The following SORBS2 variants were observed in gnomAD, a reference collection of about 807,000 sequenced individuals.
SORBS2 encodes sorbin and SH3 domain-containing protein 2.
A neutral mutation model predicts 97.7 loss-of-function variants in SORBS2; 46 were observed. That is an observed-to-expected ratio of 0.47 (90% confidence interval 0.37 to 0.60). The LOEUF is 0.60. Ranked by LOEUF, SORBS2 falls within the 20% of genes least tolerant of loss-of-function variation. The pLI is 0.00. For missense variants in SORBS2, 1,316 were observed against 1,282.3 expected (o/e 1.03, Z -0.40); for synonymous variants, 476 against 473.4 (o/e 1.01, Z -0.07).
At chr4:185,894,502 T>G (rs187358169) in intron 1 of SORBS2, 1 of 152,312 alleles carries the variant, frequency 6.6e-6, no homozygotes, top group African/African-American at 2.4e-5. Flanking sequence ...CAGTTCCTTT[T>G]AAGAATGGTC....
At chr4:185,833,201 C>T (rs2099206081) in intron 1 of SORBS2, among the ~76,000 whole-genome samples, 1 of 152,214 alleles carries the variant, frequency 6.6e-6, no homozygotes, top group Admixed American at 6.5e-5. Context: ...CTACCATGCA[C>T]ATTGTGTCCA....
intron 2 of SORBS2, among the ~76,000 whole-genome samples, chr4:185,746,570 G>C (rs1246213080): frequency 6.6e-6 from 1 of 152,134 alleles, no homozygotes; most frequent in African/African-American, 2.4e-5. Context: ...CTCCTGCCTC[G>C]GCTTCCCAGA....
At position 185,619,428 on chromosome 4, in the gene SORBS2, C is replaced by T. The variant is rs559475378; in HGVS notation, c.2304+635G>A. Among the ~76,000 whole-genome samples, 107 of 152,280 alleles carry T rather than the reference C, an allele frequency of 7.0e-4. No homozygotes were observed. The Middle Eastern group carries it at 0.01, about 15-fold the overall frequency. Reference sequence around the variant, plus strand: ...GGATCCCACAGGCTCTGGACTACATCAGACGCCTATAAGATCCTCTGGAGC... The same window carrying T: ...GGATCCCACAGGCTCTGGACTACATTAGACGCCTATAAGATCCTCTGGAGC... On this transcript the variant is annotated intron_variant, in intron 8 of 14. Transcript: ENST00000418609.
At chr4:185,814,552 C>CAAAA (rs1268048114) in intron 1 of SORBS2, among the ~76,000 whole-genome samples, 1 of 137,256 alleles carries the variant, frequency 7.3e-6, no homozygotes, top group African/African-American at 2.8e-5. Context: ...TTTTTAGTAG[C>CAAAA]AAAACAAACA....
chr4:185,791,600 G>T (rs12504222), intron 1 of SORBS2, among the ~76,000 whole-genome samples: 1 of 151,752 alleles, frequency 6.6e-6, no homozygotes, highest in African/African-American at 2.4e-5. Flanking sequence ...TAAGTGCCTC[G>T]GGTGAACTCT....
At chr4:185,677,503 G>A in intron 4 of SORBS2, 1 of 1,551,630 alleles carries the variant, frequency 6.4e-7, no homozygotes, top group Non-Finnish European at 8.7e-7. Flanking sequence ...CCCTGAAGAG[G>A]TTTTTTGTTA....
intron 5 of SORBS2, among the ~76,000 whole-genome samples, chr4:185,629,122 G>T (rs1286379184): frequency 6.6e-6 from 1 of 152,120 alleles, no homozygotes; most frequent in East Asian, 1.9e-4. Flanking sequence ...TTTTACAAAT[G>T]GTAAAGTGAA....
At chr4:185,936,721 A>T (rs2099269132) in intron 1 of SORBS2, among the ~76,000 whole-genome samples, 1 of 152,192 alleles carries the variant, frequency 6.6e-6, no homozygotes, top group Admixed American at 6.5e-5. Context: ...TTAGGGCTAG[A>T]AAACATGGTC....
chr4:185,640,168 A>G (rs2097103168), intron 4 of SORBS2, among the ~76,000 whole-genome samples: 1 of 152,196 alleles, frequency 6.6e-6, no homozygotes. Context: ...GCAAAAGCCT[A>G]AGTTATCCAA....
intron 1 of SORBS2, among the ~76,000 whole-genome samples, chr4:185,858,962 C>T (rs943050289): frequency 8.5e-5 from 13 of 152,112 alleles, no homozygotes; most frequent in African/African-American, 2.9e-4. Context: ...TCCTGTAAAA[C>T]CTTTGAAATT....
chr4:185,768,061 C>T (rs1201060678), intron 2 of SORBS2, among the ~76,000 whole-genome samples: 1 of 152,130 alleles, frequency 6.6e-6, no homozygotes, highest in Non-Finnish European at 1.5e-5. Context: ...TTTTCTAGTA[C>T]AATATACGCC....
chr4:185,702,743 G>A (rs990516997), intron 2 of SORBS2, among the ~76,000 whole-genome samples: 2 of 151,766 alleles, frequency 1.3e-5, no homozygotes, highest in African/African-American at 4.8e-5. Context: ...ACTTCACTTC[G>A]ATGAGCCTGA....
chr4:185,604,634 A>G (rs550640455), intron 12 of SORBS2, among the ~76,000 whole-genome samples: 70 of 152,330 alleles, frequency 4.6e-4, no homozygotes, highest in African/African-American at 1.5e-3. Flanking sequence ...AAAGTTACTA[A>G]TAACCTTGGG....
chr4:185,812,592 T>A (rs1242535525), intron 1 of SORBS2, among the ~76,000 whole-genome samples: 1 of 152,192 alleles, frequency 6.6e-6, no homozygotes, highest in East Asian at 1.9e-4. Flanking sequence ...AGCCCCACCT[T>A]CCAGTCATAG....
intron 1 of SORBS2, among the ~76,000 whole-genome samples, chr4:185,908,587 G>T (rs1272702543): frequency 2.0e-5 from 3 of 151,770 alleles, no homozygotes; most frequent in African/African-American, 7.3e-5. Context: ...AGCGCTCAAA[G>T]GGATCGCCGA....
intron 1 of SORBS2, among the ~76,000 whole-genome samples, chr4:185,780,297 G>A (rs994447240): frequency 1.3e-5 from 2 of 152,152 alleles, no homozygotes; most frequent in Non-Finnish European, 2.9e-5. Context: ...TTACAGGCGT[G>A]AGCCACTGCA....
Position 185,752,483 on chromosome 4 carries a change from G to A in SORBS2, c.-198+22744C>T, listed in dbSNP as rs568580541. Among the ~76,000 whole-genome samples the A allele has an allele frequency of 1.4e-3, 207 of 152,156 alleles. 2 individuals carry two copies. In the South Asian group the frequency reaches 0.017, roughly 12 times the overall value. On this transcript the variant is annotated intron_variant, in intron 2 of 20. Transcript: ENST00000284776. ...AGTAGATATGGGGTTTCACCGTGTT[G>A]GCCAGGATGGTCTCGATCTCCTGAC...
intron 2 of SORBS2, among the ~76,000 whole-genome samples, chr4:185,682,620 T>C (rs1355904411): frequency 6.6e-6 from 1 of 152,210 alleles, no homozygotes; most frequent in African/African-American, 2.4e-5. Context: ...GATTCACATA[T>C]AGACACTGTA....
intron 1 of SORBS2, among the ~76,000 whole-genome samples, chr4:185,939,975 A>G (rs2149995903): frequency 6.6e-6 from 1 of 152,324 alleles, no homozygotes; most frequent in South Asian, 2.1e-4. Context: ...ACCTCTTGGT[A>G]GCATTTGACC....
Sources: allele counts gnomAD v4.1 joint callset (sites outside exome capture counted in the v4.1 genomes callset), GRCh38; gene constraint gnomAD v4.1.1; transcripts MANE v1.5; gene names NCBI Gene and HGNC (gene_info 2026-07-23, HGNC 2026-07-21).